The following SPAM1 variants were observed in gnomAD, a reference collection of about 807,000 sequenced individuals.
The protein encoded by SPAM1 is hyaluronidase PH-20.
In SPAM1, 22 loss-of-function variants were observed where a neutral mutation model predicts 29.6. The ratio of observed to expected loss-of-function variants is 0.74; its 90% CI spans 0.53 to 1.06. The LOEUF (loss-of-function observed/expected upper bound fraction) is 1.06, where lower values mean the gene tolerates loss of function less well. Among genes scored for constraint, SPAM1 ranks in the 50% least tolerant of loss-of-function variants. The probability of loss-of-function intolerance (pLI) is 0.00; values close to 1 mark genes in which losing one functional copy is unlikely to be tolerated. For synonymous variants in SPAM1, 194 were observed against 204.6 expected, an observed-to-expected ratio of 0.95 and a Z score of 0.44; for missense variants, 534 against 604.0, an observed-to-expected ratio of 0.88 and a Z score of 1.21.
chr7:123,970,069 T>G (rs1183077192), intron 5 of SPAM1: 2 of 853,894 alleles, frequency 2.3e-6, no homozygotes, highest in Admixed American at 6.2e-5. Flanking sequence ...CGGGTTCACT[T>G]TCTTTACATG....
intron 5 of SPAM1, among the ~76,000 whole-genome samples, chr7:123,967,691 AG>A (rs926279123): frequency 6.6e-6 from 1 of 151,680 alleles, no homozygotes; most frequent in Non-Finnish European, 1.5e-5. Flanking sequence ...GCAAGAAGGA[AG>A]GGGGATGTGG....
chr7:123,961,276 T>C (rs1792354226), downstream of SPAM1, among the ~76,000 whole-genome samples: 1 of 151,878 alleles, frequency 6.6e-6, no homozygotes, highest in Non-Finnish European at 1.5e-5. Context: ...TCCTCCCCTT[T>C]AGCTGTATTG....
intron 1 of SPAM1, among the ~76,000 whole-genome samples, chr7:123,939,212 A>C (rs1317089798): frequency 6.6e-6 from 1 of 151,346 alleles, no homozygotes; most frequent in Admixed American, 6.6e-5. Context: ...CAGCCTCCCG[A>C]GTACCTGGGA....
At chr7:123,929,125 A>T (rs889789611) in intron 1 of SPAM1, among the ~76,000 whole-genome samples, 1 of 152,130 alleles carries the variant, frequency 6.6e-6, no homozygotes, top group Non-Finnish European at 1.5e-5. Context: ...AGATTTTTAT[A>T]TTCTGGGGCT....
chr7:123,955,270 C>CT (rs1792224952), intron 4 of SPAM1, among the ~76,000 whole-genome samples, 184 bp downstream of exon 4: 1 of 151,908 alleles, frequency 6.6e-6, no homozygotes, highest in African/African-American at 2.4e-5. Flanking sequence ...ATAGTATACC[C>CT]ATTTTCCAGT....
At chr7:123,958,848 TTGTC>T (rs1449564424) in intron 4 of SPAM1, among the ~76,000 whole-genome samples, 1 of 151,290 alleles carries the variant, frequency 6.6e-6, no homozygotes, top group Non-Finnish European at 1.5e-5. Context: ...AAAAAAAAAA[TTGTC>T]TGACAAATGT....
intron 1 of SPAM1, among the ~76,000 whole-genome samples, chr7:123,934,702 C>A (rs1050735664): frequency 2.0e-5 from 3 of 152,010 alleles, no homozygotes; most frequent in African/African-American, 7.2e-5. Flanking sequence ...CATGGATGAG[C>A]CTGGAGGACA....
chr7:123,956,327 A>G (rs1792247594), intron 4 of SPAM1, among the ~76,000 whole-genome samples: 1 of 152,012 alleles, frequency 6.6e-6, no homozygotes, highest in African/African-American at 2.4e-5. Context: ...TGATCATTTT[A>G]AATAATAGAT....
chr7:123,969,037 C>A (rs1459498063), intron 5 of SPAM1, among the ~76,000 whole-genome samples: 1 of 152,020 alleles, frequency 6.6e-6, no homozygotes, highest in African/African-American at 2.4e-5. Context: ...AAACTGAGAC[C>A]TTACTCTGAC....
At chr7:123,961,446 C>G (rs1018345592), downstream of SPAM1, among the ~76,000 whole-genome samples, 1 of 151,922 alleles carries the variant, frequency 6.6e-6, no homozygotes, top group African/African-American at 2.4e-5. Flanking sequence ...CCTTATTTCC[C>G]ATAAGATAAT....
intron 1 of SPAM1, among the ~76,000 whole-genome samples, chr7:123,926,456 A>G (rs1807887282): frequency 6.6e-6 from 1 of 152,224 alleles, no homozygotes; most frequent in Non-Finnish European, 1.5e-5. Flanking sequence ...TACCAGAAAT[A>G]TAGTATAGGA....
chr7:123,939,197 T>C (rs886872367), intron 1 of SPAM1, among the ~76,000 whole-genome samples: 1 of 151,164 alleles, frequency 6.6e-6, no homozygotes, highest in East Asian at 2.0e-4. Context: ...GCCATTCTCC[T>C]GCCTCAGCCT....
intron 1 of SPAM1, among the ~76,000 whole-genome samples, chr7:123,935,062 A>G (rs1473321417): frequency 6.6e-6 from 1 of 152,206 alleles, no homozygotes; most frequent in East Asian, 1.9e-4. Context: ...GTTATTATGC[A>G]TTGTATACGT....
chr7:123,965,961 G>T (rs1308500248), intron 5 of SPAM1, among the ~76,000 whole-genome samples: 1 of 151,920 alleles, frequency 6.6e-6, no homozygotes, highest in Admixed American at 6.6e-5. Context: ...AACAGCAAAA[G>T]AAACTATCAT....
At position 123,959,866 on chromosome 7, in the gene SPAM1, A is replaced by G; in HGVS notation, c.1427A>G (p.Glu476Gly). 1 of 1,613,130 alleles carries G rather than the reference A, an allele frequency of 6.2e-7. No individual in the cohort carries two copies. Among genetic ancestry groups the G allele is most frequent in the Non-Finnish European group, 8.5e-7 (1 of 1,179,514 alleles). The change falls in exon 5 of 5, where the codon GAA becomes GGA. Residue 476 changes from glutamate to glycine, a missense_variant. Coordinates refer to ENST00000682466, the MANE Select transcript of SPAM1 (RefSeq NM_153189.3). ...DAFLKPPMET[E>G]EPQIFYNASP... ...TTTCTAAAACCTCCCATGGAGACAG[A>G]AGAACCTCAAATTTTCTACAATGCT...
chr7:123,968,467 C>A (rs1052198795), intron 5 of SPAM1, among the ~76,000 whole-genome samples: 2 of 151,970 alleles, frequency 1.3e-5, no homozygotes, highest in South Asian at 4.1e-4. Flanking sequence ...CTCCTAACCT[C>A]AATCTGACAC....
At position 123,953,903 on chromosome 7, in the gene SPAM1, T is replaced by C. The variant is rs1259996319; in HGVS notation, c.333T>C (p.Asn111=). ...YIDSITGVTV[N]GGIPQKISLQ... ...ATTCAATCACAGGAGTAACTGTGAATGGAGGAATCCCCCAGAAGATTTCCT... is the reference window on the plus strand; with the variant it reads ...ATTCAATCACAGGAGTAACTGTGAACGGAGGAATCCCCCAGAAGATTTCCT... The change falls in exon 3 of 5, where the codon AAT becomes AAC. Residue 111 remains asparagine, a synonymous_variant. Transcript: ENST00000682466. The C allele has an allele frequency of 6.2e-7, 1 of 1,613,756 alleles. No individual in the cohort carries two copies. The highest frequency in any genetic ancestry group is 2.2e-5 in the East Asian group (1 of 44,848).
intron 6 of SPAM1, among the ~76,000 whole-genome samples, chr7:123,970,789 T>A (rs1792488743): frequency 6.6e-6 from 1 of 151,972 alleles, no homozygotes; most frequent in African/African-American, 2.4e-5. Context: ...AAGAAACATA[T>A]TCTATTCCAT....
At chr7:123,970,195 C>T (rs776140721) in intron 5 of SPAM1, 70 of 1,548,458 alleles carry the variant, frequency 4.5e-5, no homozygotes, top group Non-Finnish European at 5.9e-5. Flanking sequence ...GGTTTTCTTA[C>T]AGTGGAGGCT....
Sources: gnomAD v4.1 joint callset for allele counts (sites outside exome capture counted in the v4.1 genomes callset) on GRCh38, gnomAD v4.1.1 for gene constraint, MANE v1.5 for transcripts, NCBI Gene and HGNC (gene_info 2026-07-23, HGNC 2026-07-21) for gene names.